CMSS1: variants seen among roughly 807,000 people sequenced by gnomAD.
CMSS1 encodes the protein protein CMSS1.
CMSS1 carries 33 observed loss-of-function variants against 43.5 expected under a neutral mutation model. The ratio of observed to expected loss-of-function variants is 0.76; its 90% confidence interval spans 0.57 to 1.01. The LOEUF (loss-of-function observed/expected upper bound fraction) is 1.01, where lower values mean the gene tolerates loss of function less well. CMSS1 is among the 50% of genes least tolerant of loss of function. CMSS1 has a pLI of 0.00. For synonymous variants in CMSS1, 115 were observed against 117.2 expected (o/e 0.98, Z 0.12); for missense variants, 313 against 326.4 (o/e 0.96, Z 0.32).
At chr3:100,090,346 G>A (rs909261781) in intron 1 of CMSS1, among the ~76,000 whole-genome samples, 9 of 152,330 alleles carry the variant, frequency 5.9e-5, no homozygotes, top group African/African-American at 2.2e-4. Context: ...TTTTGGAAAA[G>A]TGCAGCTGGG....
At chr3:100,116,248 C>T (rs1455485212) in intron 1 of CMSS1, among the ~76,000 whole-genome samples, 5 of 152,150 alleles carry the variant, frequency 3.3e-5, no homozygotes, top group African/African-American at 1.2e-4. Flanking sequence ...ACATATTGCT[C>T]TTAAATAAAC....
At chr3:100,005,504 G>A (rs1412559083) in intron 1 of CMSS1, among the ~76,000 whole-genome samples, 3 of 152,200 alleles carry the variant, frequency 2.0e-5, no homozygotes, top group African/African-American at 2.4e-5. Context: ...GAATTCTTAT[G>A]AAGTCTAGAT....
chr3:99,860,412 C>A (rs150515856), intron 1 of CMSS1, among the ~76,000 whole-genome samples: 1,757 of 152,194 alleles, frequency 0.012, 19 homozygotes, highest in African/African-American at 0.026. Flanking sequence ...TTCTAAAAAG[C>A]GGTACTGAAA....
At chr3:100,045,458 T>C (rs1274553663) in intron 1 of CMSS1, among the ~76,000 whole-genome samples, 5 of 152,206 alleles carry the variant, frequency 3.3e-5, no homozygotes, top group Admixed American at 6.5e-5. Context: ...AACCATTAGC[T>C]TTCATTGTGC....
intron 1 of CMSS1, among the ~76,000 whole-genome samples, chr3:100,078,533 C>A (rs1328504011): frequency 6.6e-6 from 1 of 151,958 alleles, no homozygotes; most frequent in African/African-American, 2.4e-5. Context: ...GGCCACATTG[C>A]AAGAATTGTC....
At chr3:100,013,486 C>T (rs558401502) in intron 1 of CMSS1, among the ~76,000 whole-genome samples, 1 of 152,106 alleles carries the variant, frequency 6.6e-6, no homozygotes, top group South Asian at 2.1e-4. Context: ...TCAGGTGGTC[C>T]ATCCACCTCG....
intron 1 of CMSS1, among the ~76,000 whole-genome samples, chr3:99,840,896 A>C (rs1466114731): frequency 6.6e-6 from 1 of 152,198 alleles, no homozygotes; most frequent in African/African-American, 2.4e-5. Context: ...AGGCTTTGTT[A>C]ATCTACTGTG....
At chr3:99,897,347 G>A (rs1345631473) in intron 1 of CMSS1, among the ~76,000 whole-genome samples, 3 of 151,778 alleles carry the variant, frequency 2.0e-5, no homozygotes, top group Admixed American at 6.6e-5. Context: ...CCAGCCTGGG[G>A]GACAAGAGCT....
chr3:99,870,074 T>C (rs992935301), intron 1 of CMSS1, among the ~76,000 whole-genome samples: 2 of 152,222 alleles, frequency 1.3e-5, no homozygotes, highest in African/African-American at 4.8e-5. Context: ...CTTTTATTTT[T>C]ATATTGTCTC....
At chr3:100,092,362 C>T (rs1440005038) in intron 1 of CMSS1, among the ~76,000 whole-genome samples, 1 of 151,868 alleles carries the variant, frequency 6.6e-6, no homozygotes, top group Non-Finnish European at 1.5e-5. Flanking sequence ...TCTGTTTACC[C>T]CAAAGACAAT....
Position 100,162,363 on chromosome 3 carries a change from C to G in CMSS1, c.286C>G (p.Gln96Glu). The G allele has an allele frequency of 1.1e-5, 18 of 1,613,676 alleles. No homozygotes were observed. The highest frequency in any genetic ancestry group is 1.5e-5 in the Non-Finnish European group (18 of 1,179,634). ...AAAACCAGGGTTACCTGAAGACCTA[C>G]AGAAGCTGATGAAGGACTATTATAG... Reference protein sequence around the residue: ...EPKPGLPEDLQKLMKDYYSSR... With the variant: ...EPKPGLPEDLEKLMKDYYSSR... Residue 96 changes from glutamine to glutamate, a missense_variant, in exon 4 of 10, where the codon CAG becomes GAG. Coordinates refer to ENST00000421999, the MANE Select transcript of CMSS1 (RefSeq NM_032359.4).
chr3:99,996,413 C>T (rs188108854), intron 1 of CMSS1, among the ~76,000 whole-genome samples: 21 of 152,314 alleles, frequency 1.4e-4, no homozygotes, highest in Non-Finnish European at 2.8e-4. Flanking sequence ...GAAGTTCCAA[C>T]TTTCCCACAT....
At chr3:100,145,818 G>A (rs1332295257) in intron 1 of CMSS1, among the ~76,000 whole-genome samples, 1 of 152,162 alleles carries the variant, frequency 6.6e-6, no homozygotes, top group Non-Finnish European at 1.5e-5. Flanking sequence ...CTCACATTAT[G>A]GAAATTAATC....
intron 1 of CMSS1, among the ~76,000 whole-genome samples, chr3:100,007,174 T>C (rs865873649): frequency 2.0e-5 from 3 of 152,340 alleles, no homozygotes; most frequent in African/African-American, 4.8e-5. Context: ...TCACCTGTCA[T>C]TTTCTGCTCT....
chr3:99,918,008 T>C (rs1707006660), intron 1 of CMSS1, among the ~76,000 whole-genome samples: 1 of 152,132 alleles, frequency 6.6e-6, no homozygotes, highest in Admixed American at 6.6e-5. Context: ...GACAGATTCT[T>C]GCTCTGTTGC....
chr3:99,976,132 G>C (rs902049183), intron 1 of CMSS1, among the ~76,000 whole-genome samples: 1 of 151,886 alleles, frequency 6.6e-6, no homozygotes, highest in Non-Finnish European at 1.5e-5. Context: ...TGGTTCGCCC[G>C]CCTCAGCCTC....
At chr3:99,886,580 C>T (rs140683583) in intron 1 of CMSS1, among the ~76,000 whole-genome samples, 303 of 151,934 alleles carry the variant, frequency 2.0e-3, no homozygotes, top group African/African-American at 6.9e-3. Flanking sequence ...GTAGATAGAA[C>T]AAACAAATGA....
intron 1 of CMSS1, among the ~76,000 whole-genome samples, chr3:100,032,147 T>A (rs890871842): frequency 6.6e-6 from 1 of 152,166 alleles, no homozygotes; most frequent in Non-Finnish European, 1.5e-5. Flanking sequence ...AGATTGTAGG[T>A]GTTAAAACAT....
At chr3:100,095,514 G>A (rs1212828539) in intron 1 of CMSS1, among the ~76,000 whole-genome samples, 1 of 151,880 alleles carries the variant, frequency 6.6e-6, no homozygotes, top group Non-Finnish European at 1.5e-5. Flanking sequence ...AACATGCATT[G>A]GAGAAAAGAC....
Sources: gnomAD v4.1 joint callset for allele counts (sites outside exome capture counted in the v4.1 genomes callset) on GRCh38, gnomAD v4.1.1 for gene constraint, MANE v1.5 for transcripts, NCBI Gene and HGNC (gene_info 2026-07-23, HGNC 2026-07-21) for gene names.